The following FBXL17 variants were observed in gnomAD, a reference collection of about 807,000 sequenced individuals.
The protein encoded by FBXL17 is F-box/LRR-repeat protein 17.
A neutral mutation model predicts 66.2 loss-of-function variants in FBXL17; 22 were observed. The ratio of observed to expected loss-of-function variants is 0.33; its 90% confidence interval spans 0.24 to 0.47. The LOEUF (loss-of-function observed/expected upper bound fraction) is 0.47, where lower values mean the gene tolerates loss of function less well. Among genes scored for constraint, FBXL17 ranks in the 20% least tolerant of loss-of-function variants. FBXL17 has a pLI of 1.00. For missense variants in FBXL17, 878 were observed against 948.2 expected (o/e 0.93, Z 0.97); for synonymous variants, 474 against 400.5 (o/e 1.18, Z -2.19).
intron 7 of FBXL17, among the ~76,000 whole-genome samples, chr5:107,971,756 A>G (rs1330608706): frequency 2.6e-5 from 4 of 152,202 alleles, no homozygotes; most frequent in Non-Finnish European, 5.9e-5. Flanking sequence ...TTAGGTAGGA[A>G]CAAAAAGTTC....
At chr5:108,209,944 CT>C (rs1360660744) in intron 5 of FBXL17, among the ~76,000 whole-genome samples, 1 of 151,796 alleles carries the variant, frequency 6.6e-6, no homozygotes, top group Non-Finnish European at 1.5e-5. Flanking sequence ...TGGTCCCAGA[CT>C]TTTTTTTGGT....
chr5:108,249,119 G>T (rs999808593), intron 4 of FBXL17, among the ~76,000 whole-genome samples: 7 of 152,102 alleles, frequency 4.6e-5, no homozygotes, highest in African/African-American at 1.7e-4. Context: ...TTCAAAGCCA[G>T]ATTCAACCCA....
At chr5:107,864,403 C>G (rs1748215735) in intron 8 of FBXL17, among the ~76,000 whole-genome samples, 1 of 152,210 alleles carries the variant, frequency 6.6e-6, no homozygotes, top group Admixed American at 6.5e-5. Flanking sequence ...CAAGAAGAAT[C>G]TATTTTTTCT....
intron 6 of FBXL17, among the ~76,000 whole-genome samples, chr5:108,133,786 G>A (rs569236178): frequency 6.6e-6 from 1 of 152,228 alleles, no homozygotes; most frequent in South Asian, 2.1e-4. Context: ...CTTACTGACT[G>A]TAAAATTTCA....
chr5:108,335,369 A>T (rs956852344), intron 4 of FBXL17, among the ~76,000 whole-genome samples: 11 of 150,942 alleles, frequency 7.3e-5, no homozygotes, highest in African/African-American at 1.7e-4. Context: ...TTTTTTTTTT[A>T]AATTTTGAAA....
intron 6 of FBXL17, among the ~76,000 whole-genome samples, chr5:108,170,425 G>A (rs1018531347): frequency 2.6e-5 from 4 of 152,146 alleles, no homozygotes; most frequent in Admixed American, 1.3e-4. Context: ...TAAGGTATTA[G>A]TTAGAAGAAT....
intron 1 of FBXL17, among the ~76,000 whole-genome samples, chr5:108,371,449 T>C (rs916987412): frequency 6.6e-6 from 1 of 152,180 alleles, no homozygotes; most frequent in African/African-American, 2.4e-5. Flanking sequence ...AATGAATGTA[T>C]ACAACTATGT....
chr5:108,381,186 A>G lies in FBXL17; in HGVS notation c.506T>C (p.Phe169Ser), dbSNP rs1292585944. The change falls in exon 1 of 9, where the codon TTC becomes TCC. Residue 169 changes from phenylalanine to serine, a missense_variant. Phe to Ser is a radical substitution (Grantham distance 155). This residue lies in a region of FBXL17 where 605 missense variants were observed against 509.5 expected (regional missense o/e 1.19). Transcript: ENST00000542267. The part of the protein sequence containing the change: ...LFLASLGPVR[F>S]LGPPAAVQLF... ...CTGCACGGCGGCGGGCGGCCCCAGGAAGCGCACCGGCCCCAAGCTGGCCAG... is the reference window on the plus strand; with the variant it reads ...CTGCACGGCGGCGGGCGGCCCCAGGGAGCGCACCGGCCCCAAGCTGGCCAG... The G allele has an allele frequency of 2.1e-6, 3 of 1,435,990 alleles. No homozygotes were observed. The highest frequency in any genetic ancestry group is 2.7e-6 in the Non-Finnish European group (3 of 1,096,856). The allele number at this position is 1,435,990 out of a possible 1,614,324, so 89.0% of individuals were successfully genotyped here. A position where few individuals can be genotyped will look rare whatever the true frequency, so the allele number is the denominator to read the frequency against.
intron 4 of FBXL17, among the ~76,000 whole-genome samples, chr5:108,324,646 T>C (rs554050113): frequency 3.5e-4 from 54 of 152,236 alleles, no homozygotes; most frequent in African/African-American, 1.1e-3. Flanking sequence ...CCTATGTTCA[T>C]AGCGTTACTT....
chr5:107,892,053 C>T (rs576902051), intron 7 of FBXL17, among the ~76,000 whole-genome samples: 19 of 152,174 alleles, frequency 1.2e-4, no homozygotes, highest in South Asian at 1.2e-3. Flanking sequence ...TGGGCAAAAT[C>T]ATCTAACACA....
At chr5:107,914,421 T>C (rs927055537) in intron 7 of FBXL17, among the ~76,000 whole-genome samples, 5 of 152,226 alleles carry the variant, frequency 3.3e-5, no homozygotes, top group African/African-American at 1.2e-4. Flanking sequence ...ATCTAGTCTG[T>C]ATTCTTTTTT....
In FBXL17 at chr5:108,337,024, G is replaced by A. The variant is rs574781366; in HGVS notation, c.1506+11375C>T. On this transcript the variant is annotated intron_variant, in intron 4 of 8. Coordinates refer to ENST00000542267, the MANE Select transcript of FBXL17 (RefSeq NM_001163315.3). ...ACGCCTCCCAGAACTCTGGGAGGCCGAGGCAGGTGGATCACAAGGTCAAGA... is the reference window on the plus strand; with the variant it reads ...ACGCCTCCCAGAACTCTGGGAGGCCAAGGCAGGTGGATCACAAGGTCAAGA... Among the ~76,000 whole-genome samples, 80 of 152,086 alleles carry A rather than the reference G, an allele frequency of 5.3e-4. No individual in the cohort carries two copies. The Middle Eastern group carries it at 0.01, about 19-fold the overall frequency.
chr5:108,179,154 A>G (rs926195942), intron 6 of FBXL17, among the ~76,000 whole-genome samples: 1 of 152,184 alleles, frequency 6.6e-6, no homozygotes, highest in Non-Finnish European at 1.5e-5. Flanking sequence ...ATAAAACACA[A>G]TGGGCACTCA....
intron 7 of FBXL17, among the ~76,000 whole-genome samples, chr5:107,953,247 A>G (rs575752445): frequency 1.3e-5 from 2 of 151,684 alleles, no homozygotes; most frequent in African/African-American, 4.8e-5. Flanking sequence ...CTAAAAATAC[A>G]AAAAAAATTA....
At chr5:108,116,000 T>G (rs766288862) in intron 6 of FBXL17, among the ~76,000 whole-genome samples, 3 of 152,126 alleles carry the variant, frequency 2.0e-5, no homozygotes, top group Non-Finnish European at 2.9e-5. Context: ...TAAATAACCA[T>G]TGGCTTGGAA....
At chr5:108,235,291 TC>T (rs771507260) in intron 4 of FBXL17, among the ~76,000 whole-genome samples, 5 of 152,318 alleles carry the variant, frequency 3.3e-5, no homozygotes, top group Non-Finnish European at 7.3e-5. Flanking sequence ...AACATATACT[TC>T]TAATCCTTCT....
intron 5 of FBXL17, among the ~76,000 whole-genome samples, chr5:108,199,133 TA>T (rs1327599586): frequency 1.3e-5 from 2 of 152,278 alleles, no homozygotes; most frequent in East Asian, 3.9e-4. Flanking sequence ...GGTAGGACTT[TA>T]AATATCAACT....
chr5:108,315,093 A>C (rs1034186270), intron 4 of FBXL17, among the ~76,000 whole-genome samples: 1 of 151,184 alleles, frequency 6.6e-6, no homozygotes, highest in African/African-American at 2.4e-5. Flanking sequence ...AGAGTTTAAA[A>C]AAGTACAACC....
intron 6 of FBXL17, among the ~76,000 whole-genome samples, chr5:108,076,373 T>C (rs918928700): frequency 3.3e-5 from 5 of 152,212 alleles, no homozygotes; most frequent in South Asian, 2.1e-4. Flanking sequence ...TTTGTATCTG[T>C]TATATAATTA....
Sources: allele counts gnomAD v4.1 joint callset (sites outside exome capture counted in the v4.1 genomes callset), GRCh38; gene constraint gnomAD v4.1.1; regional missense constraint gnomAD v4.1.1; transcripts MANE v1.5; gene names NCBI Gene and HGNC (gene_info 2026-07-23, HGNC 2026-07-21).